RFC3: variants seen among roughly 807,000 people sequenced by gnomAD.
RFC3 encodes replication factor C subunit 3.
RFC3 carries 41 observed loss-of-function variants against 45.1 expected under a neutral mutation model. The observed-to-expected ratio is 0.91, with a 90% CI of 0.71 to 1.18. The LOEUF is 1.18. Ranked by LOEUF, RFC3 falls within the 50% of genes most tolerant of loss-of-function variation. RFC3 has a pLI of 0.00. For missense variants in RFC3, 423 were observed against 428.1 expected, an observed-to-expected ratio of 0.99 and a Z score of 0.10; for synonymous variants, 149 against 144.0, an observed-to-expected ratio of 1.03 and a Z score of -0.25.
In RFC3 at chr13:33,835,384, G is replaced by A. The variant is rs769560833; in HGVS notation, c.879+167G>A. 2.6e-5 allele frequency: 19 copies of A among 741,526 alleles called. No individual in the cohort carries two copies. The Admixed American group carries it at 3.3e-4, about 13-fold the overall frequency. The allele number at this position is 741,526 out of a possible 1,614,324, so 45.9% of individuals were successfully genotyped here. On this transcript the variant is annotated intron_variant, in intron 8 of 8. Transcript: ENST00000380071. ...GTGTGCCAGGCACTATTAGAGGAAT[G>A]CTGAAGAAAAGAAGGGAGGGCCTGC...
At chr13:33,959,820 G>T (rs1317375365) in intron 8 of RFC3, among the ~76,000 whole-genome samples, 1 of 152,148 alleles carries the variant, frequency 6.6e-6, no homozygotes, top group Non-Finnish European at 1.5e-5. Context: ...AGAAATTCCT[G>T]AGACTGGGTA....
At chr13:33,818,303 G>GC (rs748863625) in intron 1 of RFC3, 38 bp downstream of exon 1, 5 of 1,577,834 alleles carry the variant, frequency 3.2e-6, no homozygotes, top group Non-Finnish European at 4.3e-6. Context: ...GAGAGGGGAG[G>GC]CCCCCCGGCT....
chr13:33,820,217 C>T (rs3135551), intron 1 of RFC3, among the ~76,000 whole-genome samples: 9,665 of 152,234 alleles, frequency 0.063, 637 homozygotes, highest in East Asian at 0.16. Flanking sequence ...TCATCATCAG[C>T]AGATACTGTT....
chr13:33,900,497 A>T (rs1166991703), intron 8 of RFC3, among the ~76,000 whole-genome samples: 1 of 147,354 alleles, frequency 6.8e-6, no homozygotes, highest in Non-Finnish European at 1.5e-5. Flanking sequence ...ATGAAACTAG[A>T]TTCCTATCTC....
intron 8 of RFC3, among the ~76,000 whole-genome samples, chr13:33,944,830 A>T (rs920955960): frequency 2.0e-5 from 3 of 152,040 alleles, no homozygotes; most frequent in African/African-American, 7.2e-5. Flanking sequence ...ATATTCAAGG[A>T]AACAGTGGGG....
chr13:33,853,541 C>G (rs1430947183), intron 8 of RFC3, among the ~76,000 whole-genome samples: 1 of 151,950 alleles, frequency 6.6e-6, no homozygotes, highest in African/African-American at 2.4e-5. Flanking sequence ...TCCATTAAAT[C>G]CAGAAACAGA....
chr13:33,836,335 T>G lies in RFC3; in HGVS notation c.*40T>G. 3.7e-6 allele frequency: 6 copies of G among 1,603,362 alleles called. No homozygotes were observed. The highest frequency in any genetic ancestry group is 4.3e-6 in the Non-Finnish European group (5 of 1,172,388). On this transcript the variant is annotated 3_prime_UTR_variant, in exon 9 of 9. Transcript: ENST00000380071. ...TCTTGCAAAGATTTCTCAGTATCAG[T>G]ATTTACATACAGCTTATATTAAAAG...
In RFC3 at chr13:33,831,286, T is replaced by C. The variant is rs2082101464; in HGVS notation, c.741T>C (p.Pro247=). 1 of 1,609,782 alleles carries C rather than the reference T, an allele frequency of 6.2e-7. No individual in the cohort carries two copies. Among genetic ancestry groups the C allele is most frequent in the Non-Finnish European group, 8.5e-7 (1 of 1,176,060 alleles). ...CTTTTACTGCAGATCAAGAAATCCC[T>C]GAGACAGATTGGGAGGTGTATCTGA... The part of the protein sequence containing the change: ...QYPFTADQEI[P]ETDWEVYLRE... The change falls in exon 7 of 9, where the codon CCT becomes CCC. Residue 247 remains proline, a synonymous_variant. Transcript: ENST00000380071.
At chr13:33,858,443 T>A (rs1392876480) in intron 8 of RFC3, among the ~76,000 whole-genome samples, 2 of 152,284 alleles carry the variant, frequency 1.3e-5, no homozygotes, top group African/African-American at 4.8e-5. Flanking sequence ...GCGGCTAGTC[T>A]GGCAACTTGG....
intron 8 of RFC3, among the ~76,000 whole-genome samples, chr13:33,905,312 A>C (rs1031723671): frequency 5.9e-5 from 9 of 152,124 alleles, no homozygotes; most frequent in African/African-American, 2.2e-4. Context: ...TCACATTTTA[A>C]CATCTCTGAA....
At chr13:33,959,197 C>T (rs2083040978) in intron 8 of RFC3, among the ~76,000 whole-genome samples, 1 of 152,150 alleles carries the variant, frequency 6.6e-6, no homozygotes, top group Admixed American at 6.5e-5. Flanking sequence ...ATGTAAGCCA[C>T]CTCCACCCTG....
At chr13:33,887,572 C>T (rs1213712251) in intron 8 of RFC3, among the ~76,000 whole-genome samples, 2 of 151,870 alleles carry the variant, frequency 1.3e-5, no homozygotes, top group Non-Finnish European at 2.9e-5. Flanking sequence ...AAATTTTCTC[C>T]CATTTTGTAG....
intron 8 of RFC3, among the ~76,000 whole-genome samples, chr13:33,856,018 G>T (rs2082306896): frequency 6.6e-6 from 1 of 152,142 alleles, no homozygotes; most frequent in Admixed American, 6.6e-5. Context: ...ATTGCTTTTA[G>T]CATCTTTGCC....
chr13:33,895,543 A>G (rs1002230859), intron 8 of RFC3, among the ~76,000 whole-genome samples: 5 of 152,182 alleles, frequency 3.3e-5, no homozygotes, highest in Non-Finnish European at 7.4e-5. Context: ...GCTAGTGGGA[A>G]TGTAAATTAG....
chr13:33,875,974 A>C (rs77835164), intron 8 of RFC3, among the ~76,000 whole-genome samples: 1,763 of 152,278 alleles, frequency 0.012, 38 homozygotes, highest in African/African-American at 0.04. Flanking sequence ...GGCACATAGT[A>C]TGTGTTTCAT....
intron 1 of RFC3, among the ~76,000 whole-genome samples, chr13:33,820,579 C>G (rs1158807): frequency 2.6e-5 from 4 of 152,008 alleles, no homozygotes; most frequent in Admixed American, 6.6e-5. Context: ...TTCCCTGTTT[C>G]GCATCCCCAC....
chr13:33,945,727 A>C (rs1467128626), intron 8 of RFC3, among the ~76,000 whole-genome samples: 1 of 152,242 alleles, frequency 6.6e-6, no homozygotes, highest in Non-Finnish European at 1.5e-5. Context: ...ATGTGGTTTC[A>C]ACTAGTTCAC....
intron 7 of RFC3, among the ~76,000 whole-genome samples, chr13:33,832,038 C>A (rs2082109888): frequency 6.6e-6 from 1 of 152,156 alleles, no homozygotes; most frequent in Non-Finnish European, 1.5e-5. Context: ...GCTTCCGTTA[C>A]TTCTGTAGGT....
At chr13:33,927,531 A>C (rs997999027) in intron 8 of RFC3, among the ~76,000 whole-genome samples, 1 of 151,090 alleles carries the variant, frequency 6.6e-6, no homozygotes, top group African/African-American at 2.4e-5. Context: ...TAAGAGGCCA[A>C]CTCTCCTTGT....
Sources: gnomAD v4.1 joint callset for allele counts (sites outside exome capture counted in the v4.1 genomes callset) on GRCh38, gnomAD v4.1.1 for gene constraint, MANE v1.5 for transcripts, NCBI Gene and HGNC (gene_info 2026-07-23, HGNC 2026-07-21) for gene names.